CHDH: variants seen among roughly 807,000 people sequenced by gnomAD.
The protein encoded by CHDH is choline dehydrogenase, also known as choline dehydrogenase, mitochondrial.
Under a neutral mutation model 56.9 loss-of-function variants are expected in CHDH, and 43 were observed. The observed-to-expected ratio is 0.76, with a 90% confidence interval of 0.59 to 0.97. The LOEUF (loss-of-function observed/expected upper bound fraction) is 0.97, where lower values mean the gene tolerates loss of function less well. Among genes scored for constraint, CHDH ranks in the 50% least tolerant of loss-of-function variants. CHDH has a pLI of 0.00. For synonymous variants in CHDH, 364 were observed against 348.5 expected, an observed-to-expected ratio of 1.04 and a Z score of -0.50; for missense variants, 816 against 821.1, an observed-to-expected ratio of 0.99 and a Z score of 0.08.
chr3:53,821,626 G>A (rs2106959722), intron 5 of CHDH, 21 bp downstream of exon 5: 14 of 1,608,484 alleles, frequency 8.7e-6, no homozygotes, highest in Non-Finnish European at 1.2e-5. Context: ...CCTCTGGGGA[G>A]CAGTAAAGAA....
In CHDH at chr3:53,823,774, C is replaced by T. The variant is rs756167076; in HGVS notation, c.235G>A (p.Ala79Thr). ...TTCCACGAGAGCCGCTTGCTCCCCG[C>T]GAGCACGTCCTTGGGCCCGGCCTCC... ...LLEAGPKDVL[A>T]GSKRLSWKIH... is the part of the protein sequence containing the mutation. The change falls in exon 3 of 9, where the codon GCG (alanine) becomes ACG (threonine). Residue 79 changes from alanine (A) to threonine (T), a missense_variant. Transcript: ENST00000315251. 6.4e-7 allele frequency: 1 copy of T among 1,566,094 alleles called. No individual in the cohort carries two copies. The highest frequency in any genetic ancestry group is 8.6e-7 in the Non-Finnish European group (1 of 1,157,546).
rs1344257455 is a variant in CHDH at position 53,813,781 on chromosome 3, G to GTT, written c.*3994_*3995dup. ...TTTTGTTTTCCCTTGTCTTAGGAAA[G>GTT]TTTTAAGATGAAATGTTTTTCCTTT... is the stretch of plus-strand genomic sequence containing the variant. On this transcript the variant is annotated 3_prime_UTR_variant, in exon 9 of 9. Coordinates refer to ENST00000315251, the MANE Select transcript of CHDH (RefSeq NM_018397.5). 6.6e-6 allele frequency: 1 copy of GTT among 152,160 alleles called. No individual in the cohort carries two copies. The allele number at this position is 152,160 out of a possible 1,614,324, so 9.4% of individuals were successfully genotyped here. A position where few individuals can be genotyped will look rare whatever the true frequency, so the allele number is the denominator to read the frequency against.
intron 8 of CHDH, among the ~76,000 whole-genome samples, chr3:53,818,419 A>C (rs935267559): frequency 1.2e-4 from 19 of 152,188 alleles, no homozygotes; most frequent in Non-Finnish European, 2.2e-4. Flanking sequence ...GACACAGCCC[A>C]CCCAGAGGCC....
intron 2 of CHDH, among the ~76,000 whole-genome samples, chr3:53,830,641 C>A (rs1428794560): frequency 6.6e-6 from 1 of 152,084 alleles, no homozygotes; most frequent in Non-Finnish European, 1.5e-5. Flanking sequence ...ACACTATAAA[C>A]CAGTTGGAGA....
In CHDH at chr3:53,822,601, G is replaced by A; in HGVS notation, c.745C>T (p.Leu249=). The change falls in exon 4 of 9, where the codon CTG becomes TTG. Residue 249 remains leucine, a synonymous_variant. Coordinates refer to ENST00000315251, the MANE Select transcript of CHDH (RefSeq NM_018397.5). The part of the protein sequence containing the change: ...SAACAYLHPA[L]SRTNLKAEAE... ...TCGGCCTTGAGGTTGGTGCGGCTCAGTGCTGGGTGCAGGTAGGCACAGGCC... is the reference window on the plus strand; with the variant it reads ...TCGGCCTTGAGGTTGGTGCGGCTCAATGCTGGGTGCAGGTAGGCACAGGCC... 6.2e-7 allele frequency: 1 copy of A among 1,612,274 alleles called. No homozygotes were observed. Among genetic ancestry groups the A allele is most frequent in the Non-Finnish European group, 8.5e-7 (1 of 1,179,994 alleles).
rs781660383 is a variant in CHDH at position 53,822,577 on chromosome 3, C to CGGCCTT, written c.763_768dup (p.Lys255_Ala256dup). On this transcript the variant is annotated inframe_insertion, in exon 4 of 9. Transcript: ENST00000315251. ...ACCCTGCTCACAAGCGTCTCGGCCTCGGCCTTGAGGTTGGTGCGGCTCAGT... is the reference window on the plus strand; with the variant it reads ...ACCCTGCTCACAAGCGTCTCGGCCTCGGCCTTGGCCTTGAGGTTGGTGCGGCTCAGT... 9 of 1,613,120 alleles carry CGGCCTT rather than the reference C, an allele frequency of 5.6e-6. No individual in the cohort carries two copies. The Middle Eastern group carries it at 4.9e-4, about 89-fold the overall frequency.
chr3:53,840,449 G>T (rs868279255), intron 2 of CHDH, among the ~76,000 whole-genome samples: 1 of 151,948 alleles, frequency 6.6e-6, no homozygotes, highest in Non-Finnish European at 1.5e-5. Context: ...GATTGCTTGA[G>T]CCCAGGAGTT....
At chr3:53,839,258 C>A (rs578216331) in intron 2 of CHDH, among the ~76,000 whole-genome samples, 3 of 152,222 alleles carry the variant, frequency 2.0e-5, no homozygotes, top group Non-Finnish European at 2.9e-5. Context: ...TCTGATCACA[C>A]TTCTAGATCA....
At chr3:53,822,743 T>G in intron 3 of CHDH, 101 bp from the exon 4 acceptor site, 2 of 1,390,238 alleles carry the variant, frequency 1.4e-6, no homozygotes, top group African/African-American at 1.4e-5. Flanking sequence ...TGCCCAGCTC[T>G]GACTGCAAGT....
Position 53,819,826 on chromosome 3 carries a change from T to C in CHDH, c.1121-152A>G, listed in dbSNP as rs1468458796. On this transcript the variant is annotated intron_variant, in intron 6 of 8. Transcript: ENST00000315251. The surrounding 1 kb of genome is among the most constrained non-coding windows in gnomAD (Gnocchi z 5.4). ...GGACCCAAGTCCTGTCCACATCTGT[T>C]CACCCCTCACAGGGGGCTCACCCAG... The C allele has an allele frequency of 7.8e-6, 7 of 899,356 alleles. No homozygotes were observed. Among genetic ancestry groups the C allele is most frequent in the Non-Finnish European group, 1.1e-5 (7 of 616,090 alleles). 55.7% of individuals were successfully genotyped at this position (899,356 alleles called of 1,614,324 possible).
intron 2 of CHDH, among the ~76,000 whole-genome samples, chr3:53,832,173 C>T (rs1698353574): frequency 6.6e-6 from 1 of 152,162 alleles, no homozygotes; most frequent in Admixed American, 6.5e-5. Flanking sequence ...GATATTCTTA[C>T]ACCAATGTTT....
intron 5 of CHDH, 107 bp downstream of exon 5, chr3:53,821,540 G>A: frequency 4.0e-6 from 4 of 989,838 alleles, no homozygotes; most frequent in Non-Finnish European, 6.2e-6. Flanking sequence ...TAGTTCCAAG[G>A]ATCACTGACT....
rs767168457 is a variant in CHDH, at chr3:53,819,703, G to T, written c.1121-29C>A. The T allele has an allele frequency of 6.4e-7, 1 of 1,551,222 alleles. No individual in the cohort carries two copies. The highest frequency in any genetic ancestry group is 2.3e-5 in the East Asian group (1 of 42,872). On this transcript the variant is annotated intron_variant, in intron 6 of 8. Transcript: ENST00000315251. The surrounding 1 kb of genome is among the most constrained non-coding windows in gnomAD (Gnocchi z 5.4). ...AGAAGCAGAAGAGGATGAGGCAGAA[G>T]AGCCAGTCAGGCCGTGGCAGGTGGG...
chr3:53,818,808 CGGT>C (rs971346738), intron 8 of CHDH, 127 bp downstream of exon 8: 197 of 724,228 alleles, frequency 2.7e-4, no homozygotes, highest in Non-Finnish European at 4.5e-4. Flanking sequence ...TAAAGTGACA[CGGT>C]GGGGGACGAC....
rs202031062 is a variant in CHDH at position 53,816,131 on chromosome 3, A to ACCC, written c.*1645_*1646insGGG. ...CAGAAAACTAACTTGTGGCTGTCGG[A>ACCC]CGCCCCCCCCCCCCGCCCCAGTCTG... On this transcript the variant is annotated 3_prime_UTR_variant, in exon 9 of 9. Transcript: ENST00000315251. 3 of 87,002 alleles carry ACCC rather than the reference A, an allele frequency of 3.4e-5. No homozygotes were observed. The highest frequency in any genetic ancestry group is 1.4e-4 in the African/African-American group (2 of 14,312). The allele number at this position is 87,002 out of a possible 1,614,324, so 5.4% of individuals were successfully genotyped here.
chr3:53,829,582 C>A (rs1698270208), intron 2 of CHDH, among the ~76,000 whole-genome samples: 1 of 152,144 alleles, frequency 6.6e-6, no homozygotes. Flanking sequence ...TATAATAGAG[C>A]CTGACTCCAT....
intron 3 of CHDH, 144 bp from the exon 4 acceptor site, chr3:53,822,786 C>T (rs2095630176): frequency 9.5e-7 from 1 of 1,050,550 alleles, no homozygotes; most frequent in Non-Finnish European, 1.3e-6. Flanking sequence ...GACGGAAAGA[C>T]CCTGCAAGAC....
At chr3:53,827,751 T>C (rs2095641537) in intron 2 of CHDH, among the ~76,000 whole-genome samples, 1 of 152,176 alleles carries the variant, frequency 6.6e-6, no homozygotes, top group Non-Finnish European at 1.5e-5. Context: ...ACTAAATAAA[T>C]GGAGAGATAT....
Position 53,817,814 on chromosome 3 carries a change from G to A in CHDH, c.1748C>T (p.Pro583Leu), listed in dbSNP as rs753478907. ...GGCCAGCGTCCTGGGCTTGTAGACAGGGACATCTTTGTCCCAGAGTGCAGG... is the reference window on the plus strand; with the variant it reads ...GGCCAGCGTCCTGGGCTTGTAGACAAGGACATCTTTGTCCCAGAGTGCAGG... ...GQPALWDKDV[P>L]VYKPRTLATQ... is the part of the protein sequence containing the mutation. Residue 583 changes from proline (P) to leucine (L), a missense_variant, in exon 9 of 9, where the codon CCT becomes CTT. Physicochemically the swap from Pro to Leu is moderately conservative, Grantham distance 98. Transcript: ENST00000315251. 5 of 1,613,114 alleles carry A rather than the reference G, an allele frequency of 3.1e-6. No individual in the cohort carries two copies. Among genetic ancestry groups the A allele is most frequent in the Middle Eastern group, 1.7e-4 (1 of 6,004 alleles).
Sources: gnomAD v4.1 joint callset for allele counts (sites outside exome capture counted in the v4.1 genomes callset) on GRCh38, gnomAD v4.1.1 for gene constraint, Gnocchi (gnomAD v3.1) non-coding constraint, MANE v1.5 for transcripts, NCBI Gene and HGNC (gene_info 2026-07-23, HGNC 2026-07-21) for gene names.